The following DSG1 variants were observed in gnomAD, a reference collection of about 807,000 sequenced individuals.
The protein encoded by DSG1 is desmoglein 1, also known as desmoglein-1.
A neutral mutation model predicts 97.5 loss-of-function variants in DSG1; 39 were observed. The observed-to-expected ratio is 0.40, with a 90% confidence interval of 0.31 to 0.52. The LOEUF is 0.52. Among genes scored for constraint, DSG1 ranks in the 20% least tolerant of loss-of-function variants. DSG1 has a pLI of 0.53. For synonymous variants in DSG1, 475 were observed against 443.4 expected, an observed-to-expected ratio of 1.07 and a Z score of -0.90; for missense variants, 1,311 against 1,295.4, an observed-to-expected ratio of 1.01 and a Z score of -0.18.
intron 2 of DSG1, 62 bp downstream of exon 2, chr18:31,326,678 A>G (rs933751512): frequency 2.1e-6 from 3 of 1,449,664 alleles, no homozygotes; most frequent in Non-Finnish European, 2.9e-6. Flanking sequence ...GAGAATAACA[A>G]TATGTTTTCT....
chr18:31,335,803 A>C (rs190311169), intron 8 of DSG1, among the ~76,000 whole-genome samples: 93 of 151,042 alleles, frequency 6.2e-4, no homozygotes, highest in African/African-American at 2.1e-3. Flanking sequence ...TTATGAAATA[A>C]ATATTTCCTA....
At position 31,330,045 on chromosome 18, in the gene DSG1, TGTA is replaced by T. The variant is rs2071710874; in HGVS notation, c.517+12_517+14del. 1 of 1,612,606 alleles carries T rather than the reference TGTA, an allele frequency of 6.2e-7. No individual in the cohort carries two copies. The highest frequency in any genetic ancestry group is 8.5e-7 in the Non-Finnish European group (1 of 1,178,864). On this transcript the variant is annotated intron_variant, in intron 5 of 14. Coordinates refer to ENST00000257192, the MANE Select transcript of DSG1 (RefSeq NM_001942.4). ...AGAAAATTCTAATGCAAGTAAGTAATGTAGTGGCTTCCAAATCACTCCTAACAG... is the reference window on the plus strand; with the variant it reads ...AGAAAATTCTAATGCAAGTAAGTAATGTGGCTTCCAAATCACTCCTAACAG...
At chr18:31,352,225 A>G (rs2071903613) in intron 14 of DSG1, among the ~76,000 whole-genome samples, 1 of 150,962 alleles carries the variant, frequency 6.6e-6, no homozygotes, top group Admixed American at 6.6e-5. Flanking sequence ...TCCTTCACTT[A>G]TGAAGCTTAG....
chr18:31,335,931 T>TA lies in DSG1; in HGVS notation c.1006-419dup, dbSNP rs1424478659. ...ATTTCTTGTAAATAGTTCTTATGGA[T>TA]AAAACCACTCAAATGATTGAAACTC... On this transcript the variant is annotated intron_variant, in intron 8 of 14. Transcript: ENST00000257192. 1.3e-4 allele frequency among the ~76,000 whole-genome samples: 19 copies of TA among 151,762 alleles called. No individual in the cohort carries two copies. In the East Asian group the frequency reaches 2.5e-3, roughly 20 times the overall value.
In DSG1 at chr18:31,358,497, T is replaced by A. The variant is rs1055064684; in HGVS notation, c.*3151T>A. ...ATTCAAGAAAATGTTCTGACAAAAT[T>A]TTAATTATATGTCTTCAAAAATTAC... On this transcript the variant is annotated 3_prime_UTR_variant, in exon 15 of 15. Coordinates refer to ENST00000257192, the MANE Select transcript of DSG1 (RefSeq NM_001942.4). Among the ~76,000 whole-genome samples, 1 of 152,060 alleles carries A rather than the reference T, an allele frequency of 6.6e-6. No homozygotes were observed. Among genetic ancestry groups the A allele is most frequent in the Non-Finnish European group, 1.5e-5 (1 of 67,920 alleles).
At chr18:31,321,370 A>G (rs1421945378) in intron 1 of DSG1, among the ~76,000 whole-genome samples, 2 of 152,132 alleles carry the variant, frequency 1.3e-5, no homozygotes, top group East Asian at 1.9e-4. Context: ...CAAGCAAAAG[A>G]GAGAGCTCTT....
chr18:31,322,089 A>G (rs79555101), intron 1 of DSG1, among the ~76,000 whole-genome samples: 1 of 152,262 alleles, frequency 6.6e-6, no homozygotes, highest in African/African-American at 2.4e-5. Context: ...TAATTGGTCT[A>G]TGAGAATAGG....
rs766472053 is a variant in DSG1 at position 31,333,710 on chromosome 18, T to C, written c.806T>C (p.Met269Thr). 1.2e-6 allele frequency: 2 copies of C among 1,613,614 alleles called. No homozygotes were observed. Among genetic ancestry groups the C allele is most frequent in the South Asian group, 2.2e-5 (2 of 91,070 alleles). ...GATGTCAATGATAATATCCCTTACA[T>C]GGAACAGTCTTCAGTAAGTATTTGT... The part of the protein sequence containing the change: ...ILDVNDNIPY[M>T]EQSSYTIEIQ... The change falls in exon 7 of 15, where the codon ATG (methionine) becomes ACG (threonine). Residue 269 changes from methionine to threonine, a missense_variant. Met to Thr is a moderately conservative substitution (Grantham distance 81, BLOSUM62 -1). Around this residue, in one of 3 missense-constraint regions of DSG1, gnomAD observed 1,038 missense variants for 964.6 expected, o/e 1.08. Coordinates refer to ENST00000257192, the MANE Select transcript of DSG1 (RefSeq NM_001942.4).
At chr18:31,328,118 A>G in intron 3 of DSG1, 71 bp from the exon 4 acceptor site, 1 of 1,540,680 alleles carries the variant, frequency 6.5e-7, no homozygotes, top group Non-Finnish European at 8.9e-7. Flanking sequence ...AACTCTCAAG[A>G]AAGCTGTCGT....
chr18:31,330,932 G>A (rs1280749842), intron 5 of DSG1, among the ~76,000 whole-genome samples: 3 of 152,022 alleles, frequency 2.0e-5, no homozygotes, highest in Admixed American at 6.6e-5. Context: ...ACAGGTGGGG[G>A]ATGACAGATG....
chr18:31,339,710 TA>T, intron 10 of DSG1, 33 bp from the exon 11 acceptor site: 1 of 1,540,928 alleles, frequency 6.5e-7, no homozygotes, highest in Non-Finnish European at 9.0e-7. Context: ...ACTAAATGTC[TA>T]AAATATTTCT....
At position 31,326,961 on chromosome 18, in the gene DSG1, T is replaced by C; in HGVS notation, c.172T>C (p.Cys58Arg). ...KREWIKFAAA[C>R]REGEDNSKRN... is the part of the protein sequence containing the mutation. The stretch of plus-strand genomic sequence containing the variant: ...TGAATGGATCAAGTTCGCAGCAGCC[T>C]GTCGTGAAGGTGAAGACAACTCAAA... Residue 58 changes from cysteine to arginine, a missense_variant, in exon 3 of 15, where the codon TGT becomes CGT. Cys to Arg is a radical substitution (Grantham distance 180). Coordinates refer to ENST00000257192, the MANE Select transcript of DSG1 (RefSeq NM_001942.4). 1 of 1,614,004 alleles carries C rather than the reference T, an allele frequency of 6.2e-7. No individual in the cohort carries two copies. The highest frequency in any genetic ancestry group is 1.1e-5 in the South Asian group (1 of 91,080).
intron 11 of DSG1, among the ~76,000 whole-genome samples, chr18:31,340,986 G>A (rs2071785642): frequency 6.6e-6 from 1 of 152,170 alleles, no homozygotes; most frequent in Non-Finnish European, 1.5e-5. Context: ...ACAGTGCTTT[G>A]ATGATGAAAA....
rs768328238 is a variant in DSG1, at chr18:31,355,243, G to A, written c.3047G>A (p.Arg1016Lys). 2 of 1,610,326 alleles carry A rather than the reference G, an allele frequency of 1.2e-6. No individual in the cohort carries two copies. Among genetic ancestry groups the A allele is most frequent in the South Asian group, 2.2e-5 (2 of 90,720 alleles). Residue 1016 changes from arginine to lysine, a missense_variant, in exon 15 of 15, where the codon AGG becomes AAG. This residue lies in a region of DSG1 where 1,038 missense variants were observed against 964.6 expected (regional missense o/e 1.08). Transcript: ENST00000257192. ...GGGACAGCCAGCATTGGCCACATGA[G>A]GAGTTCCTCTGACCATCACTTTAAC... Reference protein sequence around the residue: ...LGGTASIGHMRSSSDHHFNQT... With the variant: ...LGGTASIGHMKSSSDHHFNQT...
chr18:31,326,857 T>A lies in DSG1; in HGVS notation c.85-17T>A. ...TTCAAATTAATATATACCATTTCTT[T>A]ATTGCTGTCATTTAAGGTAAGAGAT... On this transcript the variant is annotated splice_polypyrimidine_tract_variant and intron_variant, in intron 2 of 14. Transcript: ENST00000257192. The A allele has an allele frequency of 5.0e-6, 8 of 1,612,286 alleles. No homozygotes were observed. Among genetic ancestry groups the A allele is most frequent in the Non-Finnish European group, 6.8e-6 (8 of 1,178,386 alleles).
At chr18:31,336,888 T>C (rs1285223266) in intron 9 of DSG1, among the ~76,000 whole-genome samples, 1 of 152,208 alleles carries the variant, frequency 6.6e-6, no homozygotes, top group Non-Finnish European at 1.5e-5. Context: ...TATGTCTTAT[T>C]GATCAATTAG....
chr18:31,350,835 T>C (rs1270613871), intron 14 of DSG1, among the ~76,000 whole-genome samples: 3 of 151,540 alleles, frequency 2.0e-5, no homozygotes, highest in African/African-American at 7.3e-5. Flanking sequence ...CATTTTTTAT[T>C]GCATCTATTT....
rs2071960968 is a variant in DSG1 at position 31,356,592 on chromosome 18, T to G, written c.*1246T>G. The G allele has an allele frequency of 6.6e-6, 1 of 152,194 alleles. No individual in the cohort carries two copies. The highest frequency in any genetic ancestry group is 2.1e-4 in the South Asian group (1 of 4,828). The allele number at this position is 152,194 out of a possible 1,614,324, so 9.4% of individuals were successfully genotyped here. On this transcript the variant is annotated 3_prime_UTR_variant, in exon 15 of 15. Coordinates refer to ENST00000257192, the MANE Select transcript of DSG1 (RefSeq NM_001942.4). ...AACCTCTGCTGCCATTTTGCAGGAA[T>G]CAACCAGGAACCTTTAGCAGAATTG...
chr18:31,322,342 C>T (rs1598695800), intron 1 of DSG1, among the ~76,000 whole-genome samples: 1 of 152,288 alleles, frequency 6.6e-6, no homozygotes, highest in East Asian at 1.9e-4. Context: ...CCACACACTC[C>T]AAAAAATTAT....
Sources: gnomAD v4.1 joint callset for allele counts (sites outside exome capture counted in the v4.1 genomes callset) on GRCh38, gnomAD v4.1.1 for gene constraint, gnomAD v4.1.1 regional missense constraint, MANE v1.5 for transcripts, NCBI Gene and HGNC (gene_info 2026-07-23, HGNC 2026-07-21) for gene names.